Variants in FOXP1 observed in about 807,000 individuals in gnomAD.
FOXP1 encodes forkhead box P1, also known as forkhead box protein P1.
A neutral mutation model predicts 98.2 loss-of-function variants in FOXP1; 15 were observed. The observed-to-expected ratio is 0.15, with a 90% CI of 0.10 to 0.24. The LOEUF is 0.24. FOXP1 is among the 10% of genes least tolerant of loss of function. FOXP1 has a pLI of 1.00. For missense variants in FOXP1, 633 were observed against 848.5 expected (o/e 0.75, Z 3.15); for synonymous variants, 371 against 314.5 (o/e 1.18, Z -1.90).
At chr3:71,483,104 G>A (rs1378991533) in intron 3 of FOXP1, among the ~76,000 whole-genome samples, 1 of 151,842 alleles carries the variant, frequency 6.6e-6, no homozygotes, top group African/African-American at 2.4e-5. Context: ...CTCCCAAAGT[G>A]CTGGGATTAC....
intron 11 of FOXP1, among the ~76,000 whole-genome samples, chr3:71,032,032 A>T (rs2046934349): frequency 2.6e-5 from 4 of 152,198 alleles, no homozygotes; most frequent in Admixed American, 2.6e-4. Context: ...AGTACATGTG[A>T]GTGTGTGTGC....
At chr3:70,969,873 G>A (rs958671078) in intron 19 of FOXP1, 3 of 133,096 alleles carry the variant, frequency 2.3e-5, no homozygotes, top group Admixed American at 7.2e-5. Flanking sequence ...GTCTGGGTAG[G>A]GGCAAAAACA....
At chr3:71,351,316 A>C (rs1034899102) in intron 4 of FOXP1, among the ~76,000 whole-genome samples, 1 of 152,156 alleles carries the variant, frequency 6.6e-6, no homozygotes, top group Non-Finnish European at 1.5e-5. Flanking sequence ...TAAGCTGGTC[A>C]CTCAGAACCA....
chr3:71,396,860 C>G (rs1449261429), intron 3 of FOXP1, among the ~76,000 whole-genome samples: 3 of 142,486 alleles, frequency 2.1e-5, no homozygotes, highest in Non-Finnish European at 4.5e-5. Flanking sequence ...TGTACTTCAA[C>G]TGTATTCATC....
chr3:71,388,710 C>G (rs1039243044), intron 3 of FOXP1, among the ~76,000 whole-genome samples: 6 of 151,958 alleles, frequency 3.9e-5, no homozygotes, highest in Non-Finnish European at 8.8e-5. Context: ...AACAAATTAA[C>G]AACATATAAT....
intron 5 of FOXP1, among the ~76,000 whole-genome samples, chr3:71,217,385 C>T (rs893373958): frequency 6.6e-5 from 10 of 151,304 alleles, no homozygotes; most frequent in Non-Finnish European, 1.2e-4. Context: ...GGATTTTGTT[C>T]TTTTTTTTTA....
chr3:71,086,553 T>C (rs918506596), intron 7 of FOXP1, among the ~76,000 whole-genome samples: 2 of 152,182 alleles, frequency 1.3e-5, no homozygotes, highest in Non-Finnish European at 2.9e-5. Flanking sequence ...CCAGTGTCTC[T>C]AGCTGGTCCA....
At chr3:71,214,280 A>G (rs1398195344) in intron 5 of FOXP1, among the ~76,000 whole-genome samples, 1 of 152,230 alleles carries the variant, frequency 6.6e-6, no homozygotes, top group East Asian at 1.9e-4. Flanking sequence ...TTAGAAAGAA[A>G]CAGAAGTCCT....
At chr3:71,006,333 T>C (rs997170728) in intron 12 of FOXP1, among the ~76,000 whole-genome samples, 1 of 152,116 alleles carries the variant, frequency 6.6e-6, no homozygotes, top group African/African-American at 2.4e-5. Context: ...TTGCCAATAT[T>C]AGTGTCTTGG....
chr3:71,064,298 T>TG (rs1042372077), intron 7 of FOXP1, among the ~76,000 whole-genome samples: 8 of 152,148 alleles, frequency 5.3e-5, no homozygotes, highest in Admixed American at 5.2e-4. Context: ...AACATCCACA[T>TG]GGGTTACACT....
chr3:71,471,783 T>A (rs2089374844), intron 3 of FOXP1, among the ~76,000 whole-genome samples: 1 of 152,206 alleles, frequency 6.6e-6, no homozygotes, highest in South Asian at 2.1e-4. Flanking sequence ...AATCATATAA[T>A]CCTGGAATAC....
At position 71,416,547 on chromosome 3, in the gene FOXP1, AACACACACACACACAC is replaced by A. The variant is rs55710900; in HGVS notation, c.-167-57319_-167-57304del. ...GCCACAGAACAAAACTCTGTCTCAAAACACACACACACACACACACACACACACACACACACACACA... is the reference window on the plus strand; with the variant it reads ...GCCACAGAACAAAACTCTGTCTCAAAACACACACACACACACACACACACA... On this transcript the variant is annotated intron_variant, in intron 3 of 20. Transcript: ENST00000649528. Among the ~76,000 whole-genome samples, 972 of 136,844 alleles carry A rather than the reference AACACACACACACACAC, an allele frequency of 7.1e-3. 7 individuals carry two copies. Among genetic ancestry groups the A allele is most frequent in the African/African-American group, 0.018 (632 of 35,390 alleles). The allele number at this position is 136,844 out of a possible 152,430, so 89.8% of individuals were successfully genotyped here. A position where few individuals can be genotyped will look rare whatever the true frequency, so the allele number is the denominator to read the frequency against.
intron 2 of FOXP1, among the ~76,000 whole-genome samples, chr3:71,533,215 G>T (rs1322301138): frequency 1.3e-5 from 2 of 152,088 alleles, no homozygotes; most frequent in Non-Finnish European, 2.9e-5. Context: ...GTTGAGCCTT[G>T]AACAACCTGG....
intron 12 of FOXP1, among the ~76,000 whole-genome samples, chr3:71,014,444 A>G (rs2044144463): frequency 6.6e-6 from 1 of 152,204 alleles, no homozygotes; most frequent in Non-Finnish European, 1.5e-5. Context: ...GCAATGAGAT[A>G]CCATCTCACA....
chr3:71,565,029 G>A (rs952772846), intron 2 of FOXP1, among the ~76,000 whole-genome samples: 2 of 152,138 alleles, frequency 1.3e-5, no homozygotes, highest in Non-Finnish European at 2.9e-5. Flanking sequence ...GAACCCGGGA[G>A]GCGAGGTTGC....
chr3:71,371,167 G>A (rs1310435858), intron 3 of FOXP1, among the ~76,000 whole-genome samples: 2 of 152,124 alleles, frequency 1.3e-5, no homozygotes, highest in Non-Finnish European at 2.9e-5. Context: ...TGCTGCTTCC[G>A]CCACTGCTGC....
In FOXP1 at chr3:71,531,506, A is replaced by C. The variant is rs1000210575; in HGVS notation, c.-297-37951T>G. Among the ~76,000 whole-genome samples the C allele has an allele frequency of 1.6e-4, 24 of 151,686 alleles. 1 individual carries two copies. The highest frequency in any genetic ancestry group is 9.9e-4 in the Admixed American group (15 of 15,210). ...GCTCTACTTGAGGAACAAATTGGACAAAAAAAAAGAAGGAAGGAAACAAAC... is the reference window on the plus strand; with the variant it reads ...GCTCTACTTGAGGAACAAATTGGACCAAAAAAAAGAAGGAAGGAAACAAAC... On this transcript the variant is annotated intron_variant, in intron 2 of 20. Coordinates refer to ENST00000649528, the MANE Select transcript of FOXP1 (RefSeq NM_001349338.3).
intron 3 of FOXP1, among the ~76,000 whole-genome samples, chr3:71,492,813 G>A (rs1292216056): frequency 1.3e-5 from 2 of 152,158 alleles, no homozygotes; most frequent in African/African-American, 4.8e-5. Context: ...ATTGATTGCT[G>A]AGGAACAGGA....
chr3:71,558,026 G>C (rs995489079), intron 2 of FOXP1, among the ~76,000 whole-genome samples: 1 of 151,960 alleles, frequency 6.6e-6, no homozygotes, highest in Admixed American at 6.6e-5. Flanking sequence ...TATGTCGGCC[G>C]GGCTGGTGAC....
Sources: allele counts gnomAD v4.1 joint callset (sites outside exome capture counted in the v4.1 genomes callset), GRCh38; gene constraint gnomAD v4.1.1; transcripts MANE v1.5; gene names NCBI Gene and HGNC (gene_info 2026-07-23, HGNC 2026-07-21).